The following ANKRD17 variants were observed in gnomAD, a reference collection of about 807,000 sequenced individuals.
ANKRD17 encodes ankyrin repeat domain-containing protein 17.
Under a neutral mutation model 229.7 loss-of-function variants are expected in ANKRD17, and 19 were observed. The ratio of observed to expected loss-of-function variants is 0.08; its 90% confidence interval spans 0.06 to 0.12. The LOEUF (loss-of-function observed/expected upper bound fraction) is 0.12. Among genes scored for constraint, ANKRD17 ranks in the 10% least tolerant of loss-of-function variants. ANKRD17 has a pLI of 1.00. For missense variants in ANKRD17, 2,176 were observed against 3,176.8 expected, an observed-to-expected ratio of 0.68 and a Z score of 7.57; for synonymous variants, 1,112 against 1,146.1, an observed-to-expected ratio of 0.97 and a Z score of 0.60.
intron 14 of ANKRD17, 33 bp from the exon 15 acceptor site, chr4:73,140,316 C>T (rs201053215): frequency 3.8e-5 from 58 of 1,537,038 alleles, no homozygotes; most frequent in Non-Finnish European, 4.8e-5. Context: ...CAGAAGTGCA[C>T]ATGAATGGCA....
At chr4:73,206,967 G>C (rs138096811) in intron 1 of ANKRD17, among the ~76,000 whole-genome samples, 1,850 of 152,170 alleles carry the variant, frequency 0.012, 19 homozygotes, top group Middle Eastern at 0.048. Context: ...GGGATTACAG[G>C]AGCCTGCCAC....
chr4:73,127,160 T>G (rs1002065689), intron 16 of ANKRD17, among the ~76,000 whole-genome samples: 6 of 151,996 alleles, frequency 3.9e-5, no homozygotes, highest in African/African-American at 1.5e-4. Context: ...TTAAGTAGGG[T>G]GACAAATCTG....
At chr4:73,185,334 CTATT>C (rs1161387512) in intron 1 of ANKRD17, among the ~76,000 whole-genome samples, 21 of 151,730 alleles carry the variant, frequency 1.4e-4, no homozygotes, top group East Asian at 3.9e-4. Flanking sequence ...GGAAAATACT[CTATT>C]TATCACTGAA....
intron 1 of ANKRD17, among the ~76,000 whole-genome samples, chr4:73,185,519 T>C (rs1180638914): frequency 6.6e-6 from 1 of 152,048 alleles, no homozygotes; most frequent in Non-Finnish European, 1.5e-5. Flanking sequence ...TTTTAAGATC[T>C]CTTAATAAAT....
At chr4:73,152,716 G>C (rs933047318) in intron 6 of ANKRD17, among the ~76,000 whole-genome samples, 8 of 151,956 alleles carry the variant, frequency 5.3e-5, no homozygotes, top group African/African-American at 1.5e-4. Flanking sequence ...AGCCAGTACT[G>C]GGTTCAAAAG....
chr4:73,097,256 T>C lies in ANKRD17; in HGVS notation c.5038A>G (p.Ser1680Gly). The C allele has an allele frequency of 6.3e-7, 1 of 1,578,298 alleles. No homozygotes were observed. The highest frequency in any genetic ancestry group is 8.6e-7 in the Non-Finnish European group (1 of 1,167,262). ...GATAGAGAATTACTGGTCCCTTCAC[T>C]GATAGTTTCTGACAATCTTTAACAA... is the stretch of plus-strand genomic sequence containing the variant. ...KASIKLSETI[S>G]EGTSNSLSTC... Residue 1680 changes from serine to glycine, a missense_variant, in exon 27 of 34, where the codon AGT becomes GGT. Coordinates refer to ENST00000358602, the MANE Select transcript of ANKRD17 (RefSeq NM_032217.5).
At chr4:73,102,119 T>TA (rs1459939830) in intron 25 of ANKRD17, among the ~76,000 whole-genome samples, 1 of 151,850 alleles carries the variant, frequency 6.6e-6, no homozygotes, top group Non-Finnish European at 1.5e-5. Context: ...TCCAGATAAT[T>TA]AAAAAAAATT....
chr4:73,181,755 A>G (rs774992763), intron 1 of ANKRD17, among the ~76,000 whole-genome samples: 4 of 152,250 alleles, frequency 2.6e-5, no homozygotes, highest in Middle Eastern at 3.4e-3. Flanking sequence ...AGAAATTAAA[A>G]TAAGTATTTG....
At chr4:73,149,145 C>T (rs368561566) in intron 7 of ANKRD17, 95 bp from the exon 8 acceptor site, 15 of 969,332 alleles carry the variant, frequency 1.5e-5, no homozygotes, top group Admixed American at 2.5e-5. Flanking sequence ...TGAAGTTTAT[C>T]TATCTCCACT....
chr4:73,096,953 T>C (rs916025710), intron 27 of ANKRD17, among the ~76,000 whole-genome samples, 164 bp downstream of exon 27: 3 of 152,222 alleles, frequency 2.0e-5, no homozygotes, highest in Non-Finnish European at 2.9e-5. Flanking sequence ...CGTAATTTTT[T>C]TCATCTAAAA....
chr4:73,219,593 C>T (rs995647743), intron 1 of ANKRD17, among the ~76,000 whole-genome samples: 1 of 152,142 alleles, frequency 6.6e-6, no homozygotes, highest in Non-Finnish European at 1.5e-5. Context: ...ACTTACTTTG[C>T]TTAAATCTGA....
At chr4:73,078,998 A>G in intron 30 of ANKRD17, 108 bp from the exon 31 acceptor site, 1 of 1,286,506 alleles carries the variant, frequency 7.8e-7, no homozygotes, top group Non-Finnish European at 1.0e-6. Context: ...ATTCTCAGAA[A>G]AACAAAGTGT....
chr4:73,078,239 T>C (rs923676189), intron 31 of ANKRD17, among the ~76,000 whole-genome samples: 2 of 152,088 alleles, frequency 1.3e-5, no homozygotes, highest in African/African-American at 4.8e-5. Flanking sequence ...TAGCCGGGCG[T>C]GGTGGCGGGC....
chr4:73,103,292 GA>G (rs144541319), intron 24 of ANKRD17, among the ~76,000 whole-genome samples: 1,893 of 150,052 alleles, frequency 0.013, 45 homozygotes, highest in African/African-American at 0.044. Flanking sequence ...TATAAATACA[GA>G]AAAAAAAACC....
chr4:73,126,182 C>A (rs1727444895), intron 16 of ANKRD17, among the ~76,000 whole-genome samples: 1 of 152,090 alleles, frequency 6.6e-6, no homozygotes, highest in African/African-American at 2.4e-5. Context: ...GAGAGTACTG[C>A]AGAAAGGGTA....
intron 1 of ANKRD17, among the ~76,000 whole-genome samples, chr4:73,251,728 T>G (rs150157425): frequency 3.2e-4 from 49 of 152,290 alleles, no homozygotes; most frequent in African/African-American, 1.2e-3. Flanking sequence ...AAATCCACAT[T>G]TTTTAACCCA....
intron 1 of ANKRD17, among the ~76,000 whole-genome samples, chr4:73,219,965 CTAAA>C (rs1358388637): frequency 1.3e-5 from 2 of 152,010 alleles, no homozygotes; most frequent in African/African-American, 4.8e-5. Context: ...AATAATAACA[CTAAA>C]TATACAGTAA....
intron 16 of ANKRD17, among the ~76,000 whole-genome samples, chr4:73,126,299 C>T (rs1490905333): frequency 9.9e-5 from 15 of 152,066 alleles, no homozygotes; most frequent in Non-Finnish European, 1.5e-5. Flanking sequence ...CAGAGAGAGT[C>T]AGGCTGAATA....
intron 1 of ANKRD17, among the ~76,000 whole-genome samples, chr4:73,208,270 G>A (rs1314821166): frequency 4.1e-5 from 6 of 148,142 alleles, no homozygotes; most frequent in Non-Finnish European, 8.9e-5. Context: ...CAACTTCAGA[G>A]AACATATTCT....
Sources: allele counts gnomAD v4.1 joint callset (sites outside exome capture counted in the v4.1 genomes callset), GRCh38; gene constraint gnomAD v4.1.1; transcripts MANE v1.5; gene names NCBI Gene and HGNC (gene_info 2026-07-23, HGNC 2026-07-21).